The following C10orf67 variants were observed in gnomAD, a reference collection of about 807,000 sequenced individuals.
C10orf67 encodes uncharacterized protein C10orf67, mitochondrial.
In C10orf67, 60 loss-of-function variants were observed where a neutral mutation model predicts 35.6. That is an observed-to-expected ratio of 1.68 (90% CI 1.37 to 2.09). The LOEUF (loss-of-function observed/expected upper bound fraction) is 2.09, where lower values mean the gene tolerates loss of function less well. C10orf67 is among the 30% of genes most tolerant of loss of function. The pLI is 0.00. For synonymous variants in C10orf67, 167 were observed against 115.8 expected, an observed-to-expected ratio of 1.44 and a Z score of -2.84; for missense variants, 474 against 330.2, an observed-to-expected ratio of 1.44 and a Z score of -3.38.
intron 5 of C10orf67, among the ~76,000 whole-genome samples, chr10:23,301,278 A>G (rs925456734): frequency 1.3e-5 from 2 of 152,136 alleles, no homozygotes; most frequent in Non-Finnish European, 2.9e-5. Context: ...CTTCCCCAAG[A>G]AAATTGAAAG....
At chr10:23,341,476 C>G (rs1475509395) in intron 1 of C10orf67, among the ~76,000 whole-genome samples, 1 of 152,170 alleles carries the variant, frequency 6.6e-6, no homozygotes, top group African/African-American at 2.4e-5. Context: ...CTCCTGTTTC[C>G]TTGTTTCTGC....
chr10:23,264,096 T>C (rs1348731344), intron 10 of C10orf67, among the ~76,000 whole-genome samples: 4 of 152,214 alleles, frequency 2.6e-5, no homozygotes, highest in African/African-American at 7.2e-5. Context: ...TTACACGTGG[T>C]AAACGTTATA....
At chr10:23,315,389 T>C (rs1317156794) in intron 4 of C10orf67, among the ~76,000 whole-genome samples, 1 of 152,178 alleles carries the variant, frequency 6.6e-6, no homozygotes, top group African/African-American at 2.4e-5. Flanking sequence ...GTCCCAGAAA[T>C]TGTAGAAGAC....
At chr10:23,251,124 T>G (rs1842444260) in intron 10 of C10orf67, among the ~76,000 whole-genome samples, 1 of 152,138 alleles carries the variant, frequency 6.6e-6, no homozygotes, top group African/African-American at 2.4e-5. Flanking sequence ...GAGAGAACAA[T>G]GAGTTATATT....
At chr10:23,289,211 T>G (rs987927769) in intron 7 of C10orf67, among the ~76,000 whole-genome samples, 14 of 152,180 alleles carry the variant, frequency 9.2e-5, no homozygotes, top group African/African-American at 3.4e-4. Context: ...TTGTCTAGGC[T>G]GAAGTGCAGT....
At chr10:23,330,382 G>C (rs1011501143) in intron 2 of C10orf67, among the ~76,000 whole-genome samples, 4 of 152,098 alleles carry the variant, frequency 2.6e-5, no homozygotes, top group African/African-American at 7.2e-5. Context: ...AGGATCACTC[G>C]AGCCCAGGAA....
intron 2 of C10orf67, among the ~76,000 whole-genome samples, chr10:23,322,862 A>C (rs1379466248): frequency 2.0e-5 from 3 of 152,128 alleles, no homozygotes; most frequent in African/African-American, 7.2e-5. Context: ...ACACACATTA[A>C]ATAAAAATGG....
intron 8 of C10orf67, among the ~76,000 whole-genome samples, chr10:23,279,706 G>A (rs1843309570): frequency 6.6e-6 from 1 of 151,916 alleles, no homozygotes; most frequent in Admixed American, 6.6e-5. Context: ...AGGAATCATG[G>A]GAAGATACAA....
At chr10:23,250,803 A>T (rs936454013) in intron 10 of C10orf67, 112 bp from the exon 11 acceptor site, 2 of 395,610 alleles carry the variant, frequency 5.1e-6, no homozygotes, top group Admixed American at 8.8e-5. Flanking sequence ...AACTACTATC[A>T]AACATAATTT....
chr10:23,271,422 T>C (rs1027187290), intron 8 of C10orf67, among the ~76,000 whole-genome samples: 11 of 152,260 alleles, frequency 7.2e-5, no homozygotes, highest in Non-Finnish European at 1.5e-4. Context: ...TTTATTTATC[T>C]TGGGTAAATA....
intron 1 of C10orf67, chr10:23,343,985 C>A (rs766516221): frequency 2.2e-6 from 1 of 449,062 alleles, no homozygotes; most frequent in East Asian, 8.1e-5. Flanking sequence ...TCAGGCGAGT[C>A]GCCCCAGTTC....
intron 15 of C10orf67, among the ~76,000 whole-genome samples, chr10:23,218,002 G>C (rs922429876): frequency 5.3e-5 from 8 of 152,126 alleles, no homozygotes; most frequent in Admixed American, 2.0e-4. Context: ...CTGACCTACG[G>C]ACAGAGCTTC....
At chr10:23,338,442 A>T (rs752516726) in intron 1 of C10orf67, among the ~76,000 whole-genome samples, 6 of 152,188 alleles carry the variant, frequency 3.9e-5, no homozygotes, top group Non-Finnish European at 8.8e-5. Flanking sequence ...GATAGCACTG[A>T]ACTTCTTCCA....
At chr10:23,222,945 A>C (rs982008070) in intron 15 of C10orf67, among the ~76,000 whole-genome samples, 3 of 152,196 alleles carry the variant, frequency 2.0e-5, no homozygotes, top group Non-Finnish European at 4.4e-5. Flanking sequence ...CACCAGGCCC[A>C]GTCTACTTTT....
chr10:23,253,637 G>T (rs556686944), intron 10 of C10orf67, among the ~76,000 whole-genome samples: 10 of 152,094 alleles, frequency 6.6e-5, no homozygotes, highest in African/African-American at 2.2e-4. Context: ...TATATCCAAA[G>T]TTACATCAGT....
chr10:23,334,529 C>T (rs1845599479), intron 1 of C10orf67, among the ~76,000 whole-genome samples: 1 of 152,274 alleles, frequency 6.6e-6, no homozygotes, highest in Admixed American at 6.5e-5. Context: ...CATGGCAACT[C>T]CCCTCTTCTT....
chr10:23,236,512 C>A (rs910480700), intron 13 of C10orf67, among the ~76,000 whole-genome samples: 2 of 152,058 alleles, frequency 1.3e-5, no homozygotes, highest in Non-Finnish European at 2.9e-5. Flanking sequence ...GCAAATGGAA[C>A]TCTCAAAGAT....
At chr10:23,311,626 G>A (rs1235078696) in intron 4 of C10orf67, among the ~76,000 whole-genome samples, 2 of 152,064 alleles carry the variant, frequency 1.3e-5, no homozygotes, top group African/African-American at 4.8e-5. Flanking sequence ...CAGGAGAATG[G>A]CTTGAACCCG....
intron 15 of C10orf67, among the ~76,000 whole-genome samples, chr10:23,217,050 T>C (rs1170273945): frequency 6.6e-6 from 1 of 152,230 alleles, no homozygotes; most frequent in Non-Finnish European, 1.5e-5. Context: ...TAAATAAAAT[T>C]ATTTCATCAT....
Sources: gnomAD v4.1 joint callset for allele counts (sites outside exome capture counted in the v4.1 genomes callset) on GRCh38, gnomAD v4.1.1 for gene constraint, MANE v1.5 for transcripts, NCBI Gene and HGNC (gene_info 2026-07-23, HGNC 2026-07-21) for gene names.